The following SLC30A8 variants were observed in gnomAD, a reference collection of about 807,000 sequenced individuals.
SLC30A8 encodes proton-coupled zinc antiporter SLC30A8.
SLC30A8 carries 27 observed loss-of-function variants against 36.9 expected under a neutral mutation model. The ratio of observed to expected loss-of-function variants is 0.73; its 90% CI spans 0.54 to 1.01. The LOEUF (loss-of-function observed/expected upper bound fraction) is 1.01. Among genes scored for constraint, SLC30A8 ranks in the 50% least tolerant of loss-of-function variants. SLC30A8 has a pLI of 0.00. For synonymous variants in SLC30A8, 164 were observed against 172.4 expected (o/e 0.95, Z 0.38); for missense variants, 439 against 452.0 (o/e 0.97, Z 0.26).
chr8:117,153,216 A>G (rs1018754279), intron 3 of SLC30A8, 126 bp downstream of exon 3: 1 of 898,442 alleles, frequency 1.1e-6, no homozygotes. Flanking sequence ...GATGCACAGG[A>G]TAAAACAAAT....
chr8:117,153,723 G>GGTGGGTGTGTGT (rs1554591090), intron 3 of SLC30A8, among the ~76,000 whole-genome samples: 67 of 147,004 alleles, frequency 4.6e-4, no homozygotes, highest in African/African-American at 1.5e-3. Flanking sequence ...CATGATAAGG[G>GGTGGGTGTGTGT]GTGTGTGTGT....
rs1823700079 is a variant in SLC30A8, at chr8:117,176,543, C to T, written c.*3862C>T. 6.6e-6 allele frequency: 1 copy of T among 152,482 alleles called. No homozygotes were observed. The highest frequency in any genetic ancestry group is 2.4e-5 in the African/African-American group (1 of 41,414). The allele number at this position is 152,482 out of a possible 1,614,324, so 9.4% of individuals were successfully genotyped here. A position where few individuals can be genotyped will look rare whatever the true frequency, so the allele number is the denominator to read the frequency against. On this transcript the variant is annotated 3_prime_UTR_variant, in exon 8 of 8. Transcript: ENST00000456015. ...GCTTGACAGTGATGAGGCCACTTAA[C>T]AGTCCAGCGCAGGCGGATGTTAAAA...
chr8:116,985,323 CACACACACACAAGT>C (rs1234595028), intron 1 of SLC30A8, among the ~76,000 whole-genome samples: 13 of 142,644 alleles, frequency 9.1e-5, no homozygotes, highest in South Asian at 2.1e-4. Flanking sequence ...CACACACACA[CACACACACACAAGT>C]ATGTATATCT....
chr8:117,052,797 TCTC>T (rs1817750252), intron 2 of SLC30A8, among the ~76,000 whole-genome samples: 1 of 152,228 alleles, frequency 6.6e-6, no homozygotes, highest in Admixed American at 6.5e-5. Context: ...TCTTTTTATT[TCTC>T]CTTCATATTA....
rs1270329608 is a variant in SLC30A8, at chr8:116,979,364, T to C, written c.-266+28245T>C. ...AACGTTATCCTCCTCGAAGAAAACA[T>C]AAATGCATAAAGCAGAGAAGGGATA... On this transcript the variant is annotated intron_variant, in intron 1 of 10. Transcript: ENST00000427715. Among the ~76,000 whole-genome samples the C allele has an allele frequency of 2.0e-5, 3 of 149,998 alleles. No homozygotes were observed. The East Asian group carries it at 5.9e-4, about 30-fold the overall frequency.
intron 1 of SLC30A8, 23 bp from the exon 2 acceptor site, chr8:117,146,931 G>C (rs1303542033): frequency 1.9e-6 from 3 of 1,613,024 alleles, no homozygotes; most frequent in South Asian, 1.1e-5. Context: ...TTCACTTCTT[G>C]CTTCTGTCAA....
At chr8:117,119,071 T>C (rs1023360604) in intron 2 of SLC30A8, among the ~76,000 whole-genome samples, 1 of 151,856 alleles carries the variant, frequency 6.6e-6, no homozygotes, top group Non-Finnish European at 1.5e-5. Flanking sequence ...GAGGCCTAAT[T>C]TGAAAAGGAC....
intron 1 of SLC30A8, among the ~76,000 whole-genome samples, chr8:117,034,224 C>G (rs1232471735): frequency 6.6e-6 from 1 of 151,976 alleles, no homozygotes; most frequent in East Asian, 1.9e-4. Flanking sequence ...TAAACTTTTT[C>G]TTTTAAATCA....
At chr8:117,085,297 G>A (rs548685421) in intron 2 of SLC30A8, among the ~76,000 whole-genome samples, 27 of 152,164 alleles carry the variant, frequency 1.8e-4, no homozygotes, top group Admixed American at 7.9e-4. Flanking sequence ...ACTCAGCAGA[G>A]TGAGGGTTTA....
At chr8:117,114,570 T>A (rs2130885866) in intron 2 of SLC30A8, among the ~76,000 whole-genome samples, 1 of 152,198 alleles carries the variant, frequency 6.6e-6, no homozygotes, top group African/African-American at 2.4e-5. Flanking sequence ...CTATTAAAAC[T>A]GTTTCATATG....
chr8:117,022,558 T>G (rs978264517), intron 1 of SLC30A8, among the ~76,000 whole-genome samples: 20 of 152,144 alleles, frequency 1.3e-4, no homozygotes, highest in Admixed American at 1.3e-4. Context: ...AGCAGAGCCC[T>G]CAGAAATAAT....
intron 1 of SLC30A8, among the ~76,000 whole-genome samples, chr8:116,957,010 A>G (rs543589130): frequency 1.0e-3 from 159 of 152,356 alleles, no homozygotes; most frequent in Non-Finnish European, 1.7e-3. Context: ...TCATGATATG[A>G]GTGCAAAACA....
intron 2 of SLC30A8, among the ~76,000 whole-genome samples, chr8:117,081,077 C>T (rs1818662118): frequency 6.6e-6 from 1 of 152,078 alleles, no homozygotes; most frequent in Admixed American, 6.5e-5. Flanking sequence ...TTGTAAACTG[C>T]AGAGTCATCT....
chr8:116,988,511 A>C (rs1368024040), intron 1 of SLC30A8, among the ~76,000 whole-genome samples: 1 of 152,076 alleles, frequency 6.6e-6, no homozygotes, highest in African/African-American at 2.4e-5. Context: ...CCGTTCACAT[A>C]ATTACCTTCT....
intron 1 of SLC30A8, among the ~76,000 whole-genome samples, chr8:116,994,548 A>G (rs1349588691): frequency 1.3e-5 from 2 of 152,122 alleles, no homozygotes; most frequent in Non-Finnish European, 2.9e-5. Flanking sequence ...GTTCTGTAGG[A>G]TTCTATTTGC....
chr8:117,100,864 T>A (rs1289646434), intron 2 of SLC30A8, among the ~76,000 whole-genome samples: 1 of 152,226 alleles, frequency 6.6e-6, no homozygotes, highest in Non-Finnish European at 1.5e-5. Context: ...TGCCATTTTC[T>A]GGTCTCCTAA....
At chr8:117,066,858 T>C (rs534004724) in intron 2 of SLC30A8, among the ~76,000 whole-genome samples, 1 of 152,166 alleles carries the variant, frequency 6.6e-6, no homozygotes, top group Non-Finnish European at 1.5e-5. Flanking sequence ...AACCCAGCCT[T>C]GATGACATGT....
intron 1 of SLC30A8, among the ~76,000 whole-genome samples, chr8:117,021,845 G>C (rs1816704788): frequency 6.6e-6 from 1 of 152,102 alleles, no homozygotes; most frequent in Non-Finnish European, 1.5e-5. Context: ...GAGCCCAGAA[G>C]TAAACCCACA....
chr8:117,172,637 G>C lies in SLC30A8; in HGVS notation c.1066G>C (p.Asp356His), dbSNP rs1419208998. The C allele has an allele frequency of 3.7e-6, 6 of 1,613,690 alleles. No homozygotes were observed. In the Admixed American group the frequency reaches 5.0e-5, roughly 13 times the overall value. Residue 356 changes from aspartate (D) to histidine (H), a missense_variant, in exon 8 of 8, where the codon GAC becomes CAC. Asp to His is a moderately conservative substitution (Grantham distance 81, BLOSUM62 -1). Transcript: ENST00000456015. ...CACCATTCAGATGGAATCTCCAGTT[G>C]ACCAGGACCCCGACTGCCTTTTCTG... is the stretch of plus-strand genomic sequence containing the variant. The part of the protein sequence containing the change: ...SLTIQMESPV[D>H]QDPDCLFCED...
Sources: allele counts gnomAD v4.1 joint callset (sites outside exome capture counted in the v4.1 genomes callset), GRCh38; gene constraint gnomAD v4.1.1; transcripts MANE v1.5; gene names NCBI Gene and HGNC (gene_info 2026-07-23, HGNC 2026-07-21).